The following COL4A2 variants were observed in gnomAD, a reference collection of about 807,000 sequenced individuals.
COL4A2 encodes collagen alpha-2(IV) chain.
COL4A2 carries 99 observed loss-of-function variants against 200.2 expected under a neutral mutation model. The ratio of observed to expected loss-of-function variants is 0.49; its 90% confidence interval spans 0.42 to 0.58. The LOEUF is 0.58. Ranked by LOEUF, COL4A2 falls within the 20% of genes least tolerant of loss-of-function variation. The probability of loss-of-function intolerance (pLI) is 0.00; values close to 1 mark genes in which losing one functional copy is unlikely to be tolerated. For missense variants in COL4A2, 1,950 were observed against 2,314.1 expected, an observed-to-expected ratio of 0.84 and a Z score of 3.23; for synonymous variants, 897 against 900.6, an observed-to-expected ratio of 1.00 and a Z score of 0.07.
At chr13:110,419,665 A>G (rs75678915) in intron 4 of COL4A2, among the ~76,000 whole-genome samples, 1 of 152,090 alleles carries the variant, frequency 6.6e-6, no homozygotes, top group African/African-American at 2.4e-5. Context: ...TCAAGTCTGG[A>G]TTTGTTGCCT....
chr13:110,501,545 C>T, intron 40 of COL4A2, 123 bp from the exon 41 acceptor site: 1 of 898,966 alleles, frequency 1.1e-6, no homozygotes, highest in South Asian at 1.4e-5. Context: ...CTGAGGGCAC[C>T]TCCCATCACT....
intron 3 of COL4A2, among the ~76,000 whole-genome samples, chr13:110,318,022 C>T (rs749312373): frequency 6.6e-6 from 1 of 152,150 alleles, no homozygotes; most frequent in Non-Finnish European, 1.5e-5. Context: ...AGTCCCCATG[C>T]GCCAACAGGA....
At chr13:110,328,367 T>G (rs530818802) in intron 3 of COL4A2, 6 of 152,302 alleles carry the variant, frequency 3.9e-5, no homozygotes, top group Non-Finnish European at 8.8e-5. Flanking sequence ...TAAATAAAAT[T>G]AGGAATATTT....
At chr13:110,419,494 C>G (rs570264106) in intron 4 of COL4A2, among the ~76,000 whole-genome samples, 2 of 152,214 alleles carry the variant, frequency 1.3e-5, no homozygotes, top group Non-Finnish European at 2.9e-5. Context: ...ATCTGTCCAC[C>G]TTTGTTTAAG....
intron 4 of COL4A2, among the ~76,000 whole-genome samples, chr13:110,389,223 C>T (rs1356410489): frequency 6.6e-6 from 1 of 152,194 alleles, no homozygotes; most frequent in African/African-American, 2.4e-5. Context: ...CTGCTCTCAC[C>T]CCGGCCAAAG....
intron 3 of COL4A2, among the ~76,000 whole-genome samples, chr13:110,330,245 A>G (rs2139360608): frequency 6.6e-6 from 1 of 152,318 alleles, no homozygotes; most frequent in South Asian, 2.1e-4. Context: ...TTTCGGTATT[A>G]TAACGGTCAC....
At chr13:110,328,765 G>A (rs761283109) in intron 3 of COL4A2, among the ~76,000 whole-genome samples, 2 of 152,174 alleles carry the variant, frequency 1.3e-5, no homozygotes, top group South Asian at 2.1e-4. Context: ...ACCCAGCAGC[G>A]TCTCCTAGCA....
At position 110,337,950 on chromosome 13, in the gene COL4A2, GA is replaced by G. The variant is rs1189271244; in HGVS notation, c.100-19520del. On this transcript the variant is annotated intron_variant, in intron 3 of 47. Transcript: ENST00000360467. ...GTAAACAGCATGATGCCAAGGGCTT[GA>G]AGTTCCTTTTCTTGTTGCTTTGTAG... is the stretch of plus-strand genomic sequence containing the variant. Among the ~76,000 whole-genome samples the G allele has an allele frequency of 2.0e-5, 3 of 152,208 alleles. No individual in the cohort carries two copies. The South Asian group carries it at 6.2e-4, about 32-fold the overall frequency.
intron 3 of COL4A2, among the ~76,000 whole-genome samples, chr13:110,350,042 C>T (rs1406547758): frequency 1.3e-5 from 2 of 152,136 alleles, no homozygotes; most frequent in Admixed American, 6.5e-5. Flanking sequence ...GGCTTACAGG[C>T]GTGAGCCACC....
At chr13:110,450,746 C>T (rs1054253687) in intron 20 of COL4A2, among the ~76,000 whole-genome samples, 2 of 152,154 alleles carry the variant, frequency 1.3e-5, no homozygotes, top group Admixed American at 6.5e-5. Flanking sequence ...CATCCTTCAG[C>T]GAAACATCTG....
intron 26 of COL4A2, 30 bp from the exon 27 acceptor site, chr13:110,467,010 G>C: frequency 6.2e-7 from 1 of 1,613,866 alleles, no homozygotes; most frequent in Non-Finnish European, 8.5e-7. Context: ...AGGATTGCTT[G>C]GGCTCATCTT....
At chr13:110,451,668 T>C (rs1881542887) in intron 20 of COL4A2, among the ~76,000 whole-genome samples, 1 of 152,234 alleles carries the variant, frequency 6.6e-6, no homozygotes, top group Non-Finnish European at 1.5e-5. Flanking sequence ...CATTACCTCC[T>C]GTGAACCAGG....
At chr13:110,311,480 C>T (rs567504336) in intron 3 of COL4A2, among the ~76,000 whole-genome samples, 90 of 152,288 alleles carry the variant, frequency 5.9e-4, no homozygotes, top group South Asian at 2.3e-3. Flanking sequence ...GGCGGACATT[C>T]GCCAAGCCTC....
At chr13:110,432,228 A>G (rs1031435042) in intron 10 of COL4A2, 97 bp from the exon 11 acceptor site, 2 of 1,432,414 alleles carry the variant, frequency 1.4e-6, no homozygotes, top group African/African-American at 2.9e-5. Flanking sequence ...CTGTGTCCTA[A>G]ATATACAGTC....
At chr13:110,346,550 G>T (rs1876708497) in intron 3 of COL4A2, among the ~76,000 whole-genome samples, 1 of 152,096 alleles carries the variant, frequency 6.6e-6, no homozygotes, top group Non-Finnish European at 1.5e-5. Context: ...TTTCGACGGG[G>T]CACCCTCCAG....
chr13:110,426,310 A>G (rs1880469713), intron 6 of COL4A2, among the ~76,000 whole-genome samples: 1 of 152,184 alleles, frequency 6.6e-6, no homozygotes, highest in Admixed American at 6.5e-5. Flanking sequence ...TTTCCACTTT[A>G]CACTCACTTA....
At chr13:110,490,550 G>A (rs11069849) in intron 36 of COL4A2, among the ~76,000 whole-genome samples, 17,427 of 152,132 alleles carry the variant, frequency 0.11, 1,002 homozygotes, top group African/African-American at 0.13. Flanking sequence ...GAGAACCGCC[G>A]CTGGGAAATA....
chr13:110,452,078 T>C (rs1881557284), intron 20 of COL4A2, among the ~76,000 whole-genome samples: 1 of 152,258 alleles, frequency 6.6e-6, no homozygotes, highest in Non-Finnish European at 1.5e-5. Flanking sequence ...CCATGTTTGC[T>C]AGTGGACAGT....
At chr13:110,308,512 TG>T (rs1884873294) in intron 3 of COL4A2, among the ~76,000 whole-genome samples, 1 of 151,968 alleles carries the variant, frequency 6.6e-6, no homozygotes. Context: ...CGGGAGCTGG[TG>T]GGGAGTCTCT....
Sources: allele counts gnomAD v4.1 joint callset (sites outside exome capture counted in the v4.1 genomes callset), GRCh38; gene constraint gnomAD v4.1.1; transcripts MANE v1.5; gene names NCBI Gene and HGNC (gene_info 2026-07-23, HGNC 2026-07-21).